Variants in NR3C2 observed in about 807,000 individuals in gnomAD.
NR3C2 encodes mineralocorticoid receptor.
A neutral mutation model predicts 86.4 loss-of-function variants in NR3C2; 15 were observed. The ratio of observed to expected loss-of-function variants is 0.17; its 90% CI spans 0.12 to 0.27. The LOEUF (loss-of-function observed/expected upper bound fraction) is 0.27, where lower values mean the gene tolerates loss of function less well. Ranked by LOEUF, NR3C2 falls within the 10% of genes least tolerant of loss-of-function variation. NR3C2 has a pLI of 1.00. For synonymous variants in NR3C2, 458 were observed against 450.5 expected, an observed-to-expected ratio of 1.02 and a Z score of -0.21; for missense variants, 960 against 1,195.6, an observed-to-expected ratio of 0.80 and a Z score of 2.91.
intron 3 of NR3C2, among the ~76,000 whole-genome samples, chr4:148,224,743 C>T (rs1738054739): frequency 6.6e-6 from 1 of 152,106 alleles, no homozygotes; most frequent in Admixed American, 6.6e-5. Context: ...ACTTGAATGT[C>T]TTCATTTTTT....
intron 4 of NR3C2, among the ~76,000 whole-genome samples, chr4:148,186,996 G>GTGTATATATATA (rs1270300388): frequency 3.7e-5 from 1 of 27,200 alleles, no homozygotes; most frequent in African/African-American, 3.6e-4. Context: ...GTGTATGTAT[G>GTGTATATATATA]TATATATATA....
At chr4:148,357,082 CATAA>C (rs1745585022) in intron 2 of NR3C2, among the ~76,000 whole-genome samples, 1 of 152,088 alleles carries the variant, frequency 6.6e-6, no homozygotes. Context: ...GTTATATATT[CATAA>C]ATACTCTAAA....
chr4:148,192,243 G>A (rs1463969858), intron 4 of NR3C2, among the ~76,000 whole-genome samples: 1 of 152,178 alleles, frequency 6.6e-6, no homozygotes. Flanking sequence ...AAACTGCAGT[G>A]ATTGTTGTCT....
intron 2 of NR3C2, among the ~76,000 whole-genome samples, chr4:148,272,177 C>T (rs777826224): frequency 2.1e-4 from 32 of 152,078 alleles, no homozygotes; most frequent in African/African-American, 3.4e-4. Flanking sequence ...GGGGTGGTGG[C>T]GGTTTGCAGA....
At chr4:148,433,323 CTG>C (rs1749884485) in intron 2 of NR3C2, among the ~76,000 whole-genome samples, 1 of 152,054 alleles carries the variant, frequency 6.6e-6, no homozygotes, top group African/African-American at 2.4e-5. Context: ...ATAAATAGAA[CTG>C]TAATAACAAA....
intron 4 of NR3C2, among the ~76,000 whole-genome samples, chr4:148,175,053 C>T (rs1048416101): frequency 1.3e-5 from 2 of 152,120 alleles, no homozygotes; most frequent in Middle Eastern, 3.2e-3. Context: ...AAGGAAAATG[C>T]AAATACATTA....
At chr4:148,222,831 C>T (rs897187247) in intron 3 of NR3C2, among the ~76,000 whole-genome samples, 1 of 152,036 alleles carries the variant, frequency 6.6e-6, no homozygotes, top group Non-Finnish European at 1.5e-5. Flanking sequence ...TGTGTGCCTA[C>T]CAGCTTTTTA....
chr4:148,165,989 A>G lies in NR3C2; in HGVS notation c.2015-11088T>C, dbSNP rs72653823. Among the ~76,000 whole-genome samples, 396 of 152,366 alleles carry G rather than the reference A, an allele frequency of 2.6e-3. 1 individual carries two copies. The highest frequency in any genetic ancestry group is 7.7e-3 in the African/African-American group (320 of 41,578). On this transcript the variant is annotated intron_variant, in intron 4 of 8. Transcript: ENST00000358102. ...GGCAAAATTAAATAGGCCCGAGGAA[A>G]GAGAAAGCAAACCTTAATAGTTATT...
intron 2 of NR3C2, among the ~76,000 whole-genome samples, chr4:148,329,469 TTTACA>T (rs527920933): frequency 5.9e-5 from 9 of 152,306 alleles, no homozygotes; most frequent in African/African-American, 1.7e-4. Context: ...ATTTCTTTCA[TTTACA>T]TTATTTACAG....
chr4:148,430,772 A>T (rs906232865), intron 2 of NR3C2, among the ~76,000 whole-genome samples: 4 of 152,158 alleles, frequency 2.6e-5, no homozygotes, highest in African/African-American at 9.7e-5. Context: ...GTTTAGTAAA[A>T]GGGCAAACTT....
At chr4:148,423,322 A>G (rs757283571) in intron 2 of NR3C2, among the ~76,000 whole-genome samples, 10 of 152,056 alleles carry the variant, frequency 6.6e-5, no homozygotes, top group Non-Finnish European at 1.0e-4. Flanking sequence ...CCCAACTACC[A>G]TTAAACCCAT....
intron 2 of NR3C2, among the ~76,000 whole-genome samples, chr4:148,285,225 T>C (rs1362694229): frequency 6.6e-6 from 1 of 152,188 alleles, no homozygotes; most frequent in Admixed American, 6.5e-5. Flanking sequence ...GCCTTTATCA[T>C]GGACATGAAA....
chr4:148,183,582 T>C lies in NR3C2; in HGVS notation c.2014+11164A>G, dbSNP rs558670012. Among the ~76,000 whole-genome samples the C allele has an allele frequency of 7.9e-5, 12 of 152,280 alleles. No individual in the cohort carries two copies. The South Asian group carries it at 2.3e-3, about 29-fold the overall frequency. Reference sequence around the variant, plus strand: ...TTTCTCTGATGACCAGTGATGATGATTTTTAACCTCCATGCCTCCATTAAC... The same window carrying C: ...TTTCTCTGATGACCAGTGATGATGACTTTTAACCTCCATGCCTCCATTAAC... On this transcript the variant is annotated intron_variant, in intron 4 of 8. Coordinates refer to ENST00000358102, the MANE Select transcript of NR3C2 (RefSeq NM_000901.5).
intron 4 of NR3C2, among the ~76,000 whole-genome samples, chr4:148,159,429 G>A (rs1344537364): frequency 2.0e-5 from 3 of 152,134 alleles, no homozygotes; most frequent in Admixed American, 2.0e-4. Flanking sequence ...TCTAAAATAA[G>A]CTAAATGTAT....
chr4:148,420,697 A>G (rs1257019297), intron 2 of NR3C2, among the ~76,000 whole-genome samples: 1 of 152,154 alleles, frequency 6.6e-6, no homozygotes, highest in African/African-American at 2.4e-5. Flanking sequence ...TGGAGATGGG[A>G]GCCTGGTGGG....
chr4:148,263,121 T>C (rs1449458107), intron 2 of NR3C2, among the ~76,000 whole-genome samples: 1 of 152,172 alleles, frequency 6.6e-6, no homozygotes, highest in Non-Finnish European at 1.5e-5. Flanking sequence ...CCCTTAATGA[T>C]CTCATCCACA....
chr4:148,346,457 A>G (rs1257009274), intron 2 of NR3C2, among the ~76,000 whole-genome samples: 1 of 152,068 alleles, frequency 6.6e-6, no homozygotes, highest in Non-Finnish European at 1.5e-5. Flanking sequence ...AGCTGTAGAC[A>G]GGCCGAGTCT....
chr4:148,224,786 C>T (rs1420292685), intron 3 of NR3C2, among the ~76,000 whole-genome samples: 2 of 152,092 alleles, frequency 1.3e-5, no homozygotes, highest in African/African-American at 2.4e-5. Flanking sequence ...ATCTAACTTA[C>T]AGGATTGTTA....
At chr4:148,165,407 AT>A (rs1734834939) in intron 4 of NR3C2, among the ~76,000 whole-genome samples, 2 of 152,146 alleles carry the variant, frequency 1.3e-5, no homozygotes, top group Non-Finnish European at 2.9e-5. Context: ...GAATAAAAAA[AT>A]ATATACACCA....
Sources: gnomAD v4.1 joint callset for allele counts (sites outside exome capture counted in the v4.1 genomes callset) on GRCh38, gnomAD v4.1.1 for gene constraint, MANE v1.5 for transcripts, NCBI Gene and HGNC (gene_info 2026-07-23, HGNC 2026-07-21) for gene names.